The following PLCD1 variants were observed in gnomAD, a reference collection of about 807,000 sequenced individuals.
PLCD1 encodes phospholipase C delta 1.
PLCD1 carries 71 observed loss-of-function variants against 87.4 expected under a neutral mutation model. The observed-to-expected ratio is 0.81, with a 90% CI of 0.67 to 0.99. The LOEUF (loss-of-function observed/expected upper bound fraction) is 0.99, where lower values mean the gene tolerates loss of function less well. PLCD1 is among the 50% of genes least tolerant of loss of function. PLCD1 has a pLI of 0.00. For missense variants in PLCD1, 867 were observed against 1,001.5 expected (o/e 0.87, Z 1.81); for synonymous variants, 348 against 399.2 (o/e 0.87, Z 1.53).
chr3:38,016,432 G>A (rs1700155021), intron 3 of PLCD1, 59 bp downstream of exon 3: 1 of 1,204,406 alleles, frequency 8.3e-7, no homozygotes, highest in South Asian at 1.3e-5. Flanking sequence ...GTTGCCCTGG[G>A]GATAACCACA....
chr3:38,012,885 A>AT (rs113250846), intron 3 of PLCD1, among the ~76,000 whole-genome samples: 1 of 150,618 alleles, frequency 6.6e-6, no homozygotes, highest in South Asian at 2.1e-4. Flanking sequence ...TCCTCCTAAT[A>AT]TTTTTTTCTG....
chr3:38,019,140 C>T (rs1465887724), intron 2 of PLCD1: 1 of 152,202 alleles, frequency 6.6e-6, no homozygotes, highest in Non-Finnish European at 1.5e-5. Context: ...TCCAGTCTCA[C>T]TCCCCATAGA....
At chr3:38,014,230 C>A (rs942540737) in intron 3 of PLCD1, among the ~76,000 whole-genome samples, 2 of 151,286 alleles carry the variant, frequency 1.3e-5, no homozygotes, top group East Asian at 3.9e-4. Flanking sequence ...TCCTAAAATT[C>A]GTATAGAAAT....
At chr3:38,029,213 C>G (rs1292126457) in intron 1 of PLCD1, among the ~76,000 whole-genome samples, 2 of 152,260 alleles carry the variant, frequency 1.3e-5, no homozygotes, top group Non-Finnish European at 2.9e-5. Flanking sequence ...CTTTCATGAC[C>G]AGGACAAGGG....
At chr3:38,024,541 C>T (rs986366664) in intron 1 of PLCD1, 48 of 1,512,114 alleles carry the variant, frequency 3.2e-5, no homozygotes, top group Non-Finnish European at 3.9e-5. Context: ...GCGGAACTGT[C>T]GCCCTTGGAG....
chr3:38,023,273 A>G (rs2125550958), intron 1 of PLCD1, among the ~76,000 whole-genome samples: 1 of 152,318 alleles, frequency 6.6e-6, no homozygotes, highest in Middle Eastern at 3.4e-3. Flanking sequence ...AACCTCAAAG[A>G]GACAATGAGC....
chr3:38,022,566 G>A (rs1027677312), intron 1 of PLCD1, among the ~76,000 whole-genome samples: 2 of 152,330 alleles, frequency 1.3e-5, no homozygotes, highest in African/African-American at 4.8e-5. Flanking sequence ...AAAACACCAT[G>A]AAGAGATGAC....
rs753031784 is a variant in PLCD1, at chr3:38,008,134, C to T, written c.2065G>A (p.Ala689Thr). ...AGGTCAGGCACAACTACCTCAAACGCAAACTCCGTGTCCCACCATGGGTTG... is the reference window on the plus strand; with the variant it reads ...AGGTCAGGCACAACTACCTCAAACGTAAACTCCGTGTCCCACCATGGGTTG... ...GFNPWWDTEF[A>T]FEVVVPDLAL... Residue 689 changes from alanine to threonine, a missense_variant, in exon 14 of 15, where the codon GCG (alanine) becomes ACG (threonine). Transcript: ENST00000334661. The T allele has an allele frequency of 2.5e-6, 4 of 1,614,066 alleles. No homozygotes were observed. The East Asian group carries it at 6.7e-5, about 27-fold the overall frequency.
At chr3:38,027,017 G>C (rs1421052158) in intron 1 of PLCD1, among the ~76,000 whole-genome samples, 2 of 152,162 alleles carry the variant, frequency 1.3e-5, no homozygotes, top group African/African-American at 4.8e-5. Flanking sequence ...GTTCAGTGAG[G>C]GGAGGGCCCT....
chr3:38,012,031 CTTTTT>C (rs763245915), intron 3 of PLCD1, among the ~76,000 whole-genome samples: 1 of 137,654 alleles, frequency 7.3e-6, no homozygotes, highest in African/African-American at 2.8e-5. Flanking sequence ...TTTTCCTTTT[CTTTTT>C]TTTTTTTTTT....
chr3:38,024,725 G>A, intron 1 of PLCD1: 1 of 1,422,420 alleles, frequency 7.0e-7, no homozygotes, highest in South Asian at 1.3e-5. Flanking sequence ...TGAGGCGAGA[G>A]CGAAACCGAG....
At chr3:38,027,130 T>C (rs1700318620) in intron 1 of PLCD1, among the ~76,000 whole-genome samples, 1 of 152,102 alleles carries the variant, frequency 6.6e-6, no homozygotes, top group African/African-American at 2.4e-5. Context: ...GGAAGGAGGA[T>C]GGATGCTGTC....
chr3:38,014,272 G>GAA (rs72497444), intron 3 of PLCD1, among the ~76,000 whole-genome samples: 5,302 of 145,668 alleles, frequency 0.036, 135 homozygotes, highest in African/African-American at 0.076. Flanking sequence ...AAGCAATATT[G>GAA]AAAAAAAAAA....
intron 3 of PLCD1, among the ~76,000 whole-genome samples, chr3:38,013,147 C>T (rs182983951): frequency 2.4e-4 from 36 of 152,110 alleles, no homozygotes; most frequent in African/African-American, 8.2e-4. Context: ...GCCTCAGCCT[C>T]CCAAAGTGCT....
At chr3:38,029,389 GC>G in intron 1 of PLCD1, 116 bp downstream of exon 1, 1 of 894,474 alleles carries the variant, frequency 1.1e-6, no homozygotes, top group Non-Finnish European at 1.8e-6. Flanking sequence ...AGAGAGGCGG[GC>G]CCGGGGTGGT....
intron 1 of PLCD1, among the ~76,000 whole-genome samples, chr3:38,023,201 T>C (rs1700259751): frequency 3.9e-5 from 6 of 151,956 alleles, no homozygotes; most frequent in Admixed American, 3.9e-4. Flanking sequence ...CCCACAGCGA[T>C]ACACAGCTAC....
chr3:38,027,869 G>A (rs1228305291), intron 1 of PLCD1, among the ~76,000 whole-genome samples: 1 of 152,240 alleles, frequency 6.6e-6, no homozygotes, highest in Non-Finnish European at 1.5e-5. Flanking sequence ...TGGGTGATGA[G>A]CTAGAAGTGG....
At position 38,010,219 on chromosome 3, in the gene PLCD1, T is replaced by C. The variant is rs1215011616; in HGVS notation, c.1049A>G (p.Gln350Arg). 1.9e-6 allele frequency: 3 copies of C among 1,614,200 alleles called. No homozygotes were observed. The highest frequency in any genetic ancestry group is 3.3e-5 in the Admixed American group (2 of 60,028). The change falls in exon 7 of 15, where the codon CAG (glutamine) becomes CGG (arginine). Residue 350 changes from glutamine (Q) to arginine (R), a missense_variant. Physicochemically the swap from Gln to Arg is conservative, Grantham distance 43. Transcript: ENST00000334661. ...ATAGCCGTGGTAGATGATTGGTTCC[T>C]GGTTGGGCCCGTCCCAGCAGTCAAG... is the stretch of plus-strand genomic sequence containing the variant. ...LELDCWDGPN[Q>R]EPIIYHGYTF...
chr3:38,012,165 C>T (rs952799301), intron 3 of PLCD1, among the ~76,000 whole-genome samples: 7 of 150,142 alleles, frequency 4.7e-5, no homozygotes, highest in Admixed American at 4.0e-4. Flanking sequence ...CGCACCACCA[C>T]GCCTGGCTTT....
Sources: allele counts gnomAD v4.1 joint callset (sites outside exome capture counted in the v4.1 genomes callset), GRCh38; gene constraint gnomAD v4.1.1; transcripts MANE v1.5; gene names NCBI Gene and HGNC (gene_info 2026-07-23, HGNC 2026-07-21).